Variants in MEI1 observed in about 807,000 individuals in gnomAD.
The protein encoded by MEI1 is meiotic double-stranded break formation protein 1.
A neutral mutation model predicts 146.2 loss-of-function variants in MEI1; 103 were observed. That is an observed-to-expected ratio of 0.70 (90% CI 0.60 to 0.83). The LOEUF (loss-of-function observed/expected upper bound fraction) is 0.83, where lower values mean the gene tolerates loss of function less well. Ranked by LOEUF, MEI1 falls within the 40% of genes least tolerant of loss-of-function variation. The probability of loss-of-function intolerance (pLI) is 0.00; values close to 1 mark genes in which losing one functional copy is unlikely to be tolerated. For missense variants in MEI1, 1,529 were observed against 1,533.0 expected, an observed-to-expected ratio of 1.00 and a Z score of 0.04; for synonymous variants, 652 against 628.2, an observed-to-expected ratio of 1.04 and a Z score of -0.57.
intron 21 of MEI1, 95 bp from the exon 22 acceptor site, chr22:41,778,613 C>A (rs899855869): frequency 1.1e-6 from 1 of 902,086 alleles, no homozygotes; most frequent in African/African-American, 1.7e-5. Context: ...AAACTTTGAA[C>A]CTGTTATTAA....
chr22:41,749,841 A>G (rs1255424670), intron 15 of MEI1, among the ~76,000 whole-genome samples: 2 of 150,986 alleles, frequency 1.3e-5, no homozygotes, highest in East Asian at 1.9e-4. Context: ...GCTGGCTTCT[A>G]TGTGGATGGT....
rs369164493 is a variant in MEI1 at position 41,739,660 on chromosome 22, G to A, written c.1332-3420G>A. ...CTAAATCTAGGACATGAATTCTAGA[G>A]TGGGAGGGATGAGTAAACCAACAAG... On this transcript the variant is annotated intron_variant, in intron 11 of 30. Coordinates refer to ENST00000401548, the MANE Select transcript of MEI1 (RefSeq NM_152513.4). 2.6e-5 allele frequency among the ~76,000 whole-genome samples: 4 copies of A among 151,996 alleles called. No individual in the cohort carries two copies. In the East Asian group the frequency reaches 7.7e-4, roughly 29 times the overall value.
At chr22:41,749,914 G>T (rs2073633737) in intron 15 of MEI1, among the ~76,000 whole-genome samples, 1 of 152,138 alleles carries the variant, frequency 6.6e-6, no homozygotes, top group Non-Finnish European at 1.5e-5. Context: ...TCAGTAGAGG[G>T]TATGGTCAGT....
Position 41,699,569 on chromosome 22 carries a change from A to C in MEI1, c.31A>C (p.Thr11Pro), listed in dbSNP as rs200470322. Residue 11 changes from threonine (T) to proline (P), a missense_variant, in exon 1 of 31, where the codon ACT becomes CCT. Coordinates refer to ENST00000401548, the MANE Select transcript of MEI1 (RefSeq NM_152513.4). Reference protein sequence around the residue: MAVRQAATAGTPGPRREEEAA... With the variant: MAVRQAATAGPPGPRREEEAA... ...TGTGAGGCAGGCGGCGACGGCGGGC[A>C]CTCCCGGGCCCAGGAGAGAGGAAGA... 1.4e-5 allele frequency: 22 copies of C among 1,611,902 alleles called. No individual in the cohort carries two copies. In the Middle Eastern group the frequency reaches 8.5e-4, roughly 62 times the overall value.
chr22:41,792,466 A>T (rs2076213297), intron 26 of MEI1, among the ~76,000 whole-genome samples: 1 of 152,208 alleles, frequency 6.6e-6, no homozygotes, highest in South Asian at 2.1e-4. Context: ...AAAGGCTGAC[A>T]TGAGAACAGC....
At chr22:41,711,121 C>T (rs916222312) in intron 3 of MEI1, among the ~76,000 whole-genome samples, 1 of 152,178 alleles carries the variant, frequency 6.6e-6, no homozygotes, top group Non-Finnish European at 1.5e-5. Context: ...CCACTTTATG[C>T]TCCCTCTGAA....
intron 7 of MEI1, among the ~76,000 whole-genome samples, chr22:41,728,955 G>C (rs568438304): frequency 1.8e-3 from 277 of 151,978 alleles, no homozygotes; most frequent in African/African-American, 6.5e-3. Flanking sequence ...CACGAGGTCA[G>C]GAGTTCGAGA....
At chr22:41,700,051 A>G (rs949706157) in intron 1 of MEI1, among the ~76,000 whole-genome samples, 5 of 151,858 alleles carry the variant, frequency 3.3e-5, no homozygotes, top group Admixed American at 6.6e-5. Context: ...CCCTGCCTCC[A>G]TTTCCCGGGG....
intron 19 of MEI1, among the ~76,000 whole-genome samples, chr22:41,765,491 A>G (rs1287874028): frequency 1.3e-5 from 2 of 152,166 alleles, no homozygotes; most frequent in African/African-American, 2.4e-5. Flanking sequence ...AAAAAATAAG[A>G]TAAAATTTAG....
intron 15 of MEI1, among the ~76,000 whole-genome samples, chr22:41,752,192 G>A (rs1021387256): frequency 1.3e-5 from 2 of 152,160 alleles, no homozygotes; most frequent in Non-Finnish European, 2.9e-5. Flanking sequence ...ATCTGAAACT[G>A]GATTGTTTTC....
chr22:41,777,886 A>T (rs2075543445), intron 21 of MEI1, among the ~76,000 whole-genome samples: 1 of 136,964 alleles, frequency 7.3e-6, no homozygotes, highest in Non-Finnish European at 1.6e-5. Context: ...CCTTCCTTCC[A>T]TCCATCCTTC....
At chr22:41,731,586 G>A (rs1337149440) in intron 9 of MEI1, among the ~76,000 whole-genome samples, 1 of 151,564 alleles carries the variant, frequency 6.6e-6, no homozygotes, top group Admixed American at 6.6e-5. Context: ...TTGAACTCCT[G>A]ACCTCAGGTG....
At chr22:41,763,040 G>T in intron 18 of MEI1, 134 bp from the exon 19 acceptor site, 1 of 859,546 alleles carries the variant, frequency 1.2e-6, no homozygotes, top group Non-Finnish European at 1.8e-6. Context: ...CACACTGTTT[G>T]TCTAAGATGT....
intron 26 of MEI1, 54 bp downstream of exon 26, chr22:41,784,837 G>C (rs931215834): frequency 6.9e-7 from 1 of 1,454,720 alleles, no homozygotes; most frequent in Non-Finnish European, 9.2e-7. Context: ...GCAGGAAGGG[G>C]TGGCTGCCTG....
chr22:41,724,095 G>A (rs2071103024), intron 7 of MEI1, 22 bp downstream of exon 7: 1 of 1,613,136 alleles, frequency 6.2e-7, no homozygotes, highest in South Asian at 1.1e-5. Flanking sequence ...GTGATTCCTG[G>A]TCTCTAGGTT....
chr22:41,773,560 T>G (rs2075292970), intron 20 of MEI1, among the ~76,000 whole-genome samples: 1 of 129,982 alleles, frequency 7.7e-6, no homozygotes, highest in South Asian at 2.5e-4. Flanking sequence ...ACATCAATGG[T>G]AAAAAAAAAA....
intron 27 of MEI1, among the ~76,000 whole-genome samples, 180 bp from the exon 28 acceptor site, chr22:41,794,191 C>T (rs1043716286): frequency 2.6e-5 from 4 of 152,158 alleles, no homozygotes; most frequent in African/African-American, 9.7e-5. Context: ...ATAGTTTCAC[C>T]GAGCCAGTCA....
chr22:41,778,355 C>T (rs1328892735), intron 21 of MEI1, among the ~76,000 whole-genome samples: 1 of 152,200 alleles, frequency 6.6e-6, no homozygotes, highest in Non-Finnish European at 1.5e-5. Context: ...ATTCAGACCA[C>T]AGCATCCTGC....
chr22:41,736,413 C>A (rs1009815295), intron 11 of MEI1, among the ~76,000 whole-genome samples: 1 of 151,908 alleles, frequency 6.6e-6, no homozygotes, highest in African/African-American at 2.4e-5. Flanking sequence ...CCATCCCTGG[C>A]TAATTTTGTT....
Sources: gnomAD v4.1 joint callset for allele counts (sites outside exome capture counted in the v4.1 genomes callset) on GRCh38, gnomAD v4.1.1 for gene constraint, MANE v1.5 for transcripts, NCBI Gene and HGNC (gene_info 2026-07-23, HGNC 2026-07-21) for gene names.